Variants in ZDHHC24 observed in about 807,000 individuals in gnomAD.
ZDHHC24 encodes the protein zDHHC palmitoyltransferase 24.
In ZDHHC24, 17 loss-of-function variants were observed where a neutral mutation model predicts 23.2. The observed-to-expected ratio is 0.73, with a 90% CI of 0.50 to 1.10. ZDHHC24 has a LOEUF of 1.10. Ranked by LOEUF, ZDHHC24 falls within the 50% of genes least tolerant of loss-of-function variation. The pLI is 0.00. For missense variants in ZDHHC24, 366 were observed against 393.0 expected, an observed-to-expected ratio of 0.93 and a Z score of 0.58; for synonymous variants, 186 against 194.5, an observed-to-expected ratio of 0.96 and a Z score of 0.36.
exon 3 of ZDHHC24, chr11:66,529,440 C>G (rs1415224095): frequency 1.2e-6 from 1 of 842,272 alleles, no homozygotes; most frequent in Non-Finnish European, 2.0e-6. Flanking sequence ...GCGTGGACAC[C>G]AAGGACTCCT....
downstream of ZDHHC24, chr11:66,531,924 C>T: frequency 6.4e-7 from 1 of 1,569,822 alleles, no homozygotes; most frequent in Non-Finnish European, 8.6e-7. Flanking sequence ...GTGTATGCCC[C>T]CTGCTGCCAT....
downstream of ZDHHC24, chr11:66,532,075 A>G: frequency 6.4e-7 from 1 of 1,570,322 alleles, no homozygotes; most frequent in Non-Finnish European, 8.6e-7. Flanking sequence ...ACAATCAGCC[A>G]GGGAGAACTG....
At chr11:66,526,011 G>T in intron 4 of ZDHHC24, 2 of 894,252 alleles carry the variant, frequency 2.2e-6, no homozygotes, top group African/African-American at 1.6e-5. Flanking sequence ...GATTCCCCAG[G>T]CCTGTCTCTA....
rs1156481350 is a variant in ZDHHC24, at chr11:66,535,784, G to T, written c.*3745C>A. ...TTCTACATCTCAAGGGGTTTTTGGG[G>T]GGAATTTGACAAGCTGATTCTCAAG... On this transcript the variant is annotated 3_prime_UTR_variant, in exon 3 of 3. Transcript: ENST00000310442. The T allele has an allele frequency of 6.6e-6, 1 of 152,138 alleles. No homozygotes were observed. The highest frequency in any genetic ancestry group is 1.5e-5 in the Non-Finnish European group (1 of 68,036). The allele number at this position is 152,138 out of a possible 1,614,324, so 9.4% of individuals were successfully genotyped here.
chr11:66,540,683 G>A (rs1857127035), intron 2 of ZDHHC24, among the ~76,000 whole-genome samples: 2 of 151,226 alleles, frequency 1.3e-5, no homozygotes, highest in South Asian at 4.2e-4. Context: ...AGCCAAGATT[G>A]CGCCATTGCA....
intron 4 of ZDHHC24, chr11:66,523,350 C>A: frequency 6.7e-7 from 1 of 1,497,874 alleles, no homozygotes; most frequent in Non-Finnish European, 9.3e-7. Flanking sequence ...TGCTTTGGGG[C>A]CAGTGTTCCT....
chr11:66,525,041 A>T lies in ZDHHC24; in HGVS notation c.*21+1895T>A, dbSNP rs1856423521. ...CGGTAAAACCCCGTCTCTACTAAAA[A>T]TACAAAAAATTAGCCGGGCATGGTG... On this transcript the variant is annotated intron_variant, in intron 4 of 4. Transcript: ENST00000526986. 2.0e-5 allele frequency among the ~76,000 whole-genome samples: 3 copies of T among 152,274 alleles called. No individual in the cohort carries two copies. The South Asian group carries it at 6.2e-4, about 32-fold the overall frequency.
downstream of ZDHHC24, chr11:66,532,356 G>A (rs1344059194): frequency 2.7e-5 from 11 of 409,222 alleles, no homozygotes; most frequent in Non-Finnish European, 4.1e-5. Context: ...AGTGAGCTGA[G>A]CAGGACAGGC....
At chr11:66,531,909 CAG>C (rs767389180), downstream of ZDHHC24, 3 of 1,570,310 alleles carry the variant, frequency 1.9e-6, no homozygotes, top group South Asian at 2.3e-5. Context: ...GGCAAGGGGT[CAG>C]GGGTGTATGC....
downstream of ZDHHC24, among the ~76,000 whole-genome samples, chr11:66,534,994 G>T (rs1279248385): frequency 6.6e-6 from 1 of 152,090 alleles, no homozygotes; most frequent in African/African-American, 2.4e-5. Flanking sequence ...CCGGGCTCAA[G>T]TGATTCTCCT....
chr11:66,537,629 A>G lies in ZDHHC24; in HGVS notation c.*1900T>C, dbSNP rs1857011050. ...GGCGGGCAGATCACGAGGTCAGTAG[A>G]TCAAGACCATCCTGGCCGGCCAGGA... On this transcript the variant is annotated 3_prime_UTR_variant, in exon 3 of 3. Transcript: ENST00000310442. The G allele has an allele frequency of 7.0e-6, 1 of 142,042 alleles. No individual in the cohort carries two copies. The highest frequency in any genetic ancestry group is 3.2e-3 in the Middle Eastern group (1 of 314). 8.8% of individuals were successfully genotyped at this position (142,042 alleles called of 1,614,324 possible). A position where few individuals can be genotyped will look rare whatever the true frequency, so the allele number is the denominator to read the frequency against.
chr11:66,541,668 G>C (rs758767593), intron 2 of ZDHHC24, among the ~76,000 whole-genome samples: 4 of 152,114 alleles, frequency 2.6e-5, no homozygotes, highest in Non-Finnish European at 5.9e-5. Flanking sequence ...AGATGAGAAA[G>C]GGCAACCACA....
chr11:66,529,939 A>G (rs768172369), intron 2 of ZDHHC24: 2 of 1,603,504 alleles, frequency 1.2e-6, no homozygotes, highest in South Asian at 2.2e-5. Context: ...GAGCCACTCA[A>G]GCTGCACGCC....
downstream of ZDHHC24, chr11:66,532,461 A>G (rs1298147557): frequency 1.7e-5 from 3 of 180,654 alleles, no homozygotes; most frequent in African/African-American, 7.1e-5. Flanking sequence ...CAGGGAAATC[A>G]GAAGCTCTTC....
intron 2 of ZDHHC24, 52 bp downstream of exon 2, chr11:66,543,652 A>G: frequency 1.3e-6 from 2 of 1,504,546 alleles, no homozygotes; most frequent in Non-Finnish European, 1.8e-6. Flanking sequence ...TGTACTCCCC[A>G]GCCCAATACC....
chr11:66,540,410 T>C (rs1167294512), intron 2 of ZDHHC24, among the ~76,000 whole-genome samples: 2 of 101,566 alleles, frequency 2.0e-5, no homozygotes, highest in African/African-American at 4.1e-5. Context: ...ATGGGCAACA[T>C]AGCGAGACTC....
chr11:66,530,061 A>C, intron 2 of ZDHHC24: 3 of 1,470,512 alleles, frequency 2.0e-6, no homozygotes, highest in African/African-American at 1.4e-5. Flanking sequence ...AAGCCAACTC[A>C]GCCCGTGCTC....
downstream of ZDHHC24, among the ~76,000 whole-genome samples, chr11:66,531,187 AGTAGGGGC>A (rs909381434): frequency 1.1e-4 from 17 of 152,288 alleles, no homozygotes; most frequent in African/African-American, 4.1e-4. Context: ...CCAAGGCCCC[AGTAGGGGC>A]CTCTGGAGGG....
intron 3 of ZDHHC24, among the ~76,000 whole-genome samples, chr11:66,527,237 GA>G (rs1856555339): frequency 6.6e-6 from 1 of 151,828 alleles, no homozygotes; most frequent in Admixed American, 6.6e-5. Context: ...GAGAGAAAGA[GA>G]AAAGTAGAAT....
Sources: allele counts gnomAD v4.1 joint callset (sites outside exome capture counted in the v4.1 genomes callset), GRCh38; gene constraint gnomAD v4.1.1; transcripts MANE v1.5; gene names NCBI Gene and HGNC (gene_info 2026-07-23, HGNC 2026-07-21).